Variants in SLC5A2 observed in about 807,000 individuals in gnomAD.
SLC5A2 encodes solute carrier family 5 member 2.
SLC5A2 carries 67 observed loss-of-function variants against 69.0 expected under a neutral mutation model. The observed-to-expected ratio is 0.97, with a 90% CI of 0.80 to 1.19. The LOEUF is 1.19. Ranked by LOEUF, SLC5A2 falls within the 50% of genes most tolerant of loss-of-function variation. The pLI, the probability that SLC5A2 is intolerant of heterozygous loss-of-function variation, is 0.00. For missense variants in SLC5A2, 1,001 were observed against 921.5 expected, an observed-to-expected ratio of 1.09 and a Z score of -1.12; for synonymous variants, 455 against 395.8, an observed-to-expected ratio of 1.15 and a Z score of -1.78.
intron 12 of SLC5A2, 25 bp from the exon 13 acceptor site, chr16:31,490,079 T>C: frequency 6.2e-7 from 1 of 1,612,730 alleles, no homozygotes; most frequent in East Asian, 2.2e-5. Context: ...AACTCCCACC[T>C]CGTTCGTGCT....
chr16:31,488,818 G>A, intron 10 of SLC5A2, 46 bp downstream of exon 10: 2 of 1,600,896 alleles, frequency 1.2e-6, no homozygotes, highest in South Asian at 1.1e-5. Flanking sequence ...GCCCGGGGCG[G>A]GGGCTTGCGC....
Position 31,486,279 on chromosome 16 carries a change from C to T in SLC5A2, c.574+4C>T. ...ACCATGATTTACACGGTGACAGGTG[C>T]CAGCAGGGGCTTAGGAAAGGGAGTG... On this transcript the variant is annotated splice_donor_region_variant and intron_variant, in intron 5 of 13. Coordinates refer to ENST00000330498, the MANE Select transcript of SLC5A2 (RefSeq NM_003041.4). The T allele has an allele frequency of 6.2e-7, 1 of 1,606,878 alleles. No individual in the cohort carries two copies. The highest frequency in any genetic ancestry group is 1.3e-5 in the African/African-American group (1 of 74,860).
In SLC5A2 at chr16:31,489,265, T is replaced by C. The variant is rs1267096834; in HGVS notation, c.1592T>C (p.Ile531Thr). The change falls in exon 12 of 14, where the codon ATT (isoleucine) becomes ACT (threonine). Residue 531 changes from isoleucine to threonine, a missense_variant. Physicochemically the swap from Ile to Thr is moderately conservative, Grantham distance 89 (BLOSUM62 -1). Transcript: ENST00000330498. Reference protein sequence around the residue: ...LCGVHYLYFAIVLFFCSGLLT... With the variant: ...LCGVHYLYFATVLFFCSGLLT... ...GGCGTGCACTACCTCTACTTCGCCA[T>C]TGTGCTGTTCTTCTGCTCTGGCCTC... 7 of 1,611,000 alleles carry C rather than the reference T, an allele frequency of 4.3e-6. No homozygotes were observed. The highest frequency in any genetic ancestry group is 2.2e-5 in the East Asian group (1 of 44,864).
chr16:31,484,261 C>T (rs1009099152), intron 1 of SLC5A2, among the ~76,000 whole-genome samples: 1 of 151,806 alleles, frequency 6.6e-6, no homozygotes, highest in Admixed American at 6.6e-5. Context: ...CACACACGCA[C>T]ACACACACAA....
At chr16:31,489,880 A>G in intron 12 of SLC5A2, 1 of 582,018 alleles carries the variant, frequency 1.7e-6, no homozygotes, top group South Asian at 1.8e-5. Context: ...AAGCTGGGGG[A>G]GCAAGGCCAA....
At chr16:31,485,937 G>C (rs750757269) in intron 4 of SLC5A2, 44 bp downstream of exon 4, 1 of 1,608,064 alleles carries the variant, frequency 6.2e-7, no homozygotes, top group Non-Finnish European at 8.5e-7. Flanking sequence ...GAAGGGTGGG[G>C]CTCAAGTGGG....
Position 31,490,003 on chromosome 16 carries a change from G to A in SLC5A2, c.1666-101G>A. 4 of 1,500,004 alleles carry A rather than the reference G, an allele frequency of 2.7e-6. No homozygotes were observed. The South Asian group carries it at 4.7e-5, about 18-fold the overall frequency. The allele number at this position is 1,500,004 out of a possible 1,614,324, so 92.9% of individuals were successfully genotyped here. A position where few individuals can be genotyped will look rare whatever the true frequency, so the allele number is the denominator to read the frequency against. On this transcript the variant is annotated intron_variant, in intron 12 of 13. Coordinates refer to ENST00000330498, the MANE Select transcript of SLC5A2 (RefSeq NM_003041.4). ...GGGCTGGGTGTGTAGACTGGACAGAGGTGGGTAGGGCAGGCAGTGACGAGC... is the reference window on the plus strand; with the variant it reads ...GGGCTGGGTGTGTAGACTGGACAGAAGTGGGTAGGGCAGGCAGTGACGAGC...
chr16:31,488,307 A>AGGATTCCCAGTCCCCACCTCCTG, intron 8 of SLC5A2, 76 bp from the exon 9 acceptor site: 8 of 1,597,546 alleles, frequency 5.0e-6, no homozygotes, highest in Non-Finnish European at 6.9e-6. Flanking sequence ...CTCCTCTGCT[A>AGGATTCCCAGTCCCCACCTCCTG]GGATTCCCAG....
intron 8 of SLC5A2, 52 bp downstream of exon 8, chr16:31,488,225 C>T (rs2142627674): frequency 1.2e-6 from 2 of 1,613,596 alleles, no homozygotes; most frequent in Non-Finnish European, 8.5e-7. Context: ...GCGCCCGTCG[C>T]CCAGTTCCGT....
At chr16:31,486,001 TATG>T in intron 4 of SLC5A2, 108 bp downstream of exon 4, 8 of 1,339,760 alleles carry the variant, frequency 6.0e-6, no homozygotes, top group Non-Finnish European at 7.5e-6. Context: ...CTGCGAGGGT[TATG>T]ATGATGGAGG....
At position 31,483,126 on chromosome 16, in the gene SLC5A2, T is replaced by C. The variant is rs779509561; in HGVS notation, c.-11T>C. The C allele has an allele frequency of 1.9e-6, 3 of 1,613,800 alleles. No homozygotes were observed. Among genetic ancestry groups the C allele is most frequent in the Non-Finnish European group, 2.5e-6 (3 of 1,180,002 alleles). ...GGGGCTGGTTCCTGGATGGGGCAGA[T>C]CCTGGGGAGAATGGAGGAGCACACA... On this transcript the variant is annotated 5_prime_UTR_variant, in exon 1 of 14. Coordinates refer to ENST00000330498, the MANE Select transcript of SLC5A2 (RefSeq NM_003041.4).
intron 5 of SLC5A2, among the ~76,000 whole-genome samples, chr16:31,486,560 G>C (rs3813008): frequency 6.6e-6 from 1 of 152,102 alleles, no homozygotes; most frequent in Non-Finnish European, 1.5e-5. Context: ...ACCTGGGAGA[G>C]CACACCTGAC....
At chr16:31,489,994 C>A in intron 12 of SLC5A2, 110 bp from the exon 13 acceptor site, 5 of 1,448,002 alleles carry the variant, frequency 3.5e-6, no homozygotes, top group Non-Finnish European at 4.8e-6. Context: ...GGTGTGTAGA[C>A]TGGACAGAGG....
chr16:31,486,126 G>A lies in SLC5A2; in HGVS notation c.469-44G>A, dbSNP rs1408928643. The A allele has an allele frequency of 7.5e-6, 11 of 1,469,588 alleles. No homozygotes were observed. The East Asian group carries it at 2.5e-4, about 33-fold the overall frequency. The allele number at this position is 1,469,588 out of a possible 1,614,324, so 91.0% of individuals were successfully genotyped here. A position where few individuals can be genotyped will look rare whatever the true frequency, so the allele number is the denominator to read the frequency against. ...TGGCCTGGGCAGGAGGTGGGCTGGG[G>A]ACACTGCCCTGGGTCCTGACCTGGC... On this transcript the variant is annotated intron_variant, in intron 4 of 13. Transcript: ENST00000330498.
At position 31,486,231 on chromosome 16, in the gene SLC5A2, C is replaced by T; in HGVS notation, c.530C>T (p.Ser177Phe). Residue 177 changes from serine to phenylalanine, a missense_variant, in exon 5 of 14, where the codon TCC becomes TTC. By Grantham distance (155) the Ser-to-Phe change is radical (BLOSUM62 -2). Coordinates refer to ENST00000330498, the MANE Select transcript of SLC5A2 (RefSeq NM_003041.4). ...QQALGWNIYA[S>F]VIALLGITMI... The stretch of plus-strand genomic sequence containing the variant: ...GCTCTGGGCTGGAACATCTATGCCT[C>T]CGTCATCGCGCTTCTGGGCATCACC... The T allele has an allele frequency of 6.2e-7, 1 of 1,614,010 alleles. No homozygotes were observed. Among genetic ancestry groups the T allele is most frequent in the Non-Finnish European group, 8.5e-7 (1 of 1,179,964 alleles).
Position 31,490,521 on chromosome 16 carries a change from G to A in SLC5A2, c.2005G>A (p.Gly669Ser), listed in dbSNP as rs761475754. The change falls in exon 14 of 14, where the codon GGC becomes AGC. Residue 669 changes from glycine to serine, a missense_variant. By Grantham distance (56) the Gly-to-Ser change is moderately conservative. Coordinates refer to ENST00000330498, the MANE Select transcript of SLC5A2 (RefSeq NM_003041.4). The part of the protein sequence containing the change: ...LMMAVAVFLW[G>S]FYA The stretch of plus-strand genomic sequence containing the variant: ...GATGGCAGTGGCCGTGTTCCTCTGG[G>A]GCTTCTATGCCTAAGACCAACTGCG... 6 of 1,612,140 alleles carry A rather than the reference G, an allele frequency of 3.7e-6. No individual in the cohort carries two copies. The highest frequency in any genetic ancestry group is 5.1e-6 in the Non-Finnish European group (6 of 1,179,258).
intron 12 of SLC5A2, 148 bp downstream of exon 12, chr16:31,489,486 G>T: frequency 8.3e-6 from 6 of 719,848 alleles, no homozygotes; most frequent in Non-Finnish European, 9.6e-6. Flanking sequence ...TGCCGAGCAA[G>T]AATTTTTATT....
chr16:31,485,950 C>A, intron 4 of SLC5A2, 57 bp downstream of exon 4: 1 of 1,592,622 alleles, frequency 6.3e-7, no homozygotes. Flanking sequence ...CAAGTGGGGT[C>A]TCTAGAGAAC....
At chr16:31,488,220 C>T (rs533809835) in intron 8 of SLC5A2, 47 bp downstream of exon 8, 1 of 1,613,538 alleles carries the variant, frequency 6.2e-7, no homozygotes, top group Non-Finnish European at 8.5e-7. Flanking sequence ...ACCGGGCGCC[C>T]GTCGCCCAGT....
Sources: allele counts gnomAD v4.1 joint callset (sites outside exome capture counted in the v4.1 genomes callset), GRCh38; gene constraint gnomAD v4.1.1; transcripts MANE v1.5; gene names NCBI Gene and HGNC (gene_info 2026-07-23, HGNC 2026-07-21).